ATG3: variants seen among roughly 807,000 people sequenced by gnomAD.
The protein encoded by ATG3 is ubiquitin-like-conjugating enzyme ATG3.
Under a neutral mutation model 50.7 loss-of-function variants are expected in ATG3, and 25 were observed. That is an observed-to-expected ratio of 0.49 (90% confidence interval 0.36 to 0.69). The LOEUF (loss-of-function observed/expected upper bound fraction) is 0.69, where lower values mean the gene tolerates loss of function less well. Among genes scored for constraint, ATG3 ranks in the 30% least tolerant of loss-of-function variants. ATG3 has a pLI of 0.00. For synonymous variants in ATG3, 119 were observed against 125.5 expected, an observed-to-expected ratio of 0.95 and a Z score of 0.34; for missense variants, 281 against 376.0, an observed-to-expected ratio of 0.75 and a Z score of 2.09.
chr3:112,561,431 C>T lies in ATG3; in HGVS notation c.72+26G>A, dbSNP rs368990423. ...GAAAAGTCGAGCATGTGCCTGACAGCTCCCGGCAACCCTGGCCTGGCTTAC... is the reference window on the plus strand; with the variant it reads ...GAAAAGTCGAGCATGTGCCTGACAGTTCCCGGCAACCCTGGCCTGGCTTAC... On this transcript the variant is annotated intron_variant, in intron 1 of 11. Transcript: ENST00000283290. 6.8e-6 allele frequency: 11 copies of T among 1,610,304 alleles called. 1 individual carries two copies. Among genetic ancestry groups the T allele is most frequent in the East Asian group, 2.2e-5 (1 of 44,890 alleles).
At chr3:112,543,003 A>G (rs1933271424) in intron 6 of ATG3, among the ~76,000 whole-genome samples, 1 of 152,076 alleles carries the variant, frequency 6.6e-6, no homozygotes, top group African/African-American at 2.4e-5. Context: ...ATGAATTCTC[A>G]GGCCAAAGAA....
At chr3:112,547,491 TGGATTTAAACTTA>T (rs1303319829) in intron 5 of ATG3, among the ~76,000 whole-genome samples, 1 of 152,242 alleles carries the variant, frequency 6.6e-6, no homozygotes, top group African/African-American at 2.4e-5. Context: ...TTTAGTATCA[TGGATTTAAACTTA>T]GAGCACATTT....
At chr3:112,558,246 T>G (rs1426412752) in intron 2 of ATG3, 130 bp downstream of exon 2, 1 of 649,998 alleles carries the variant, frequency 1.5e-6, no homozygotes, top group Non-Finnish European at 2.6e-6. Context: ...TTCCCATAAA[T>G]CACAGTCATA....
intron 1 of ATG3, among the ~76,000 whole-genome samples, chr3:112,559,842 T>C (rs1338115832): frequency 1.3e-5 from 2 of 152,234 alleles, no homozygotes; most frequent in African/African-American, 4.8e-5. Context: ...GTTTACTGCA[T>C]GTACATACTC....
At chr3:112,538,402 T>C (rs889351116) in intron 7 of ATG3, 3 of 478,224 alleles carry the variant, frequency 6.3e-6, no homozygotes, top group Non-Finnish European at 7.5e-6. Context: ...AATAATACTG[T>C]AGAGTCCTCA....
intron 2 of ATG3, among the ~76,000 whole-genome samples, chr3:112,555,968 CAATT>C (rs1189813627): frequency 3.9e-5 from 6 of 152,176 alleles, no homozygotes; most frequent in Non-Finnish European, 7.3e-5. Context: ...ATATATTCAA[CAATT>C]AGTCATCTTC....
intron 5 of ATG3, among the ~76,000 whole-genome samples, chr3:112,545,962 T>C (rs2107378361): frequency 1.3e-5 from 2 of 152,208 alleles, no homozygotes; most frequent in South Asian, 4.2e-4. Flanking sequence ...ATCATCCAAT[T>C]AGTTGAAGGC....
chr3:112,537,959 AT>A, intron 8 of ATG3, 69 bp from the exon 9 acceptor site: 2 of 1,421,298 alleles, frequency 1.4e-6, no homozygotes, highest in Non-Finnish European at 1.9e-6. Context: ...TAGAAAACTT[AT>A]TTTTTCCATT....
At chr3:112,556,050 TA>T (rs2107389834) in intron 2 of ATG3, among the ~76,000 whole-genome samples, 1 of 150,896 alleles carries the variant, frequency 6.6e-6, no homozygotes, top group Admixed American at 6.6e-5. Context: ...TGATTTCAGA[TA>T]AAGAGCCATG....
Position 112,542,525 on chromosome 3 carries a change from T to C in ATG3, c.394-641A>G, listed in dbSNP as rs543171976. Reference sequence around the variant, plus strand: ...GATAAACTGAATATTTAGTTTTACCTAGGTTACATTTTACTTAGGGGTGGT... The same window carrying C: ...GATAAACTGAATATTTAGTTTTACCCAGGTTACATTTTACTTAGGGGTGGT... On this transcript the variant is annotated intron_variant, in intron 6 of 11. Coordinates refer to ENST00000283290, the MANE Select transcript of ATG3 (RefSeq NM_022488.5). 1.8e-3 allele frequency among the ~76,000 whole-genome samples: 276 copies of C among 152,208 alleles called. 2 individuals are homozygous for C. The highest frequency in any genetic ancestry group is 6.4e-3 in the African/African-American group (267 of 41,574).
intron 7 of ATG3, 36 bp from the exon 8 acceptor site, chr3:112,538,216 C>A: frequency 6.7e-7 from 1 of 1,502,406 alleles, no homozygotes; most frequent in Non-Finnish European, 9.1e-7. Flanking sequence ...TAATCAAGTT[C>A]AAGTTCAAGA....
At chr3:112,541,505 A>T (rs969793188) in intron 7 of ATG3, among the ~76,000 whole-genome samples, 7 of 152,248 alleles carry the variant, frequency 4.6e-5, no homozygotes, top group African/African-American at 1.7e-4. Flanking sequence ...TTCTGCTCTG[A>T]AATAATTCAG....
In ATG3 at chr3:112,548,618, T is replaced by C; in HGVS notation, c.258A>G (p.Lys86=). The change falls in exon 5 of 12, where the codon AAA becomes AAG. Residue 86 remains lysine (K), a synonymous_variant. Transcript: ENST00000283290. ...CCAATTCATCTGAATATTCCATCTG[T>C]TTGCACCGCTTATAGCACGGCACTA... The part of the protein sequence containing the change: ...TKNVPCYKRC[K]QMEYSDELEA... The C allele has an allele frequency of 6.2e-7, 1 of 1,613,994 alleles. No individual in the cohort carries two copies. Among genetic ancestry groups the C allele is most frequent in the African/African-American group, 1.3e-5 (1 of 75,046 alleles).
At chr3:112,550,908 A>G (rs557134653) in intron 3 of ATG3, among the ~76,000 whole-genome samples, 46 of 152,358 alleles carry the variant, frequency 3.0e-4, no homozygotes, top group Admixed American at 2.9e-3. Flanking sequence ...GAACATATAA[A>G]TATCCCATTT....
chr3:112,538,315 GA>G lies in ATG3; in HGVS notation c.476-136del. On this transcript the variant is annotated intron_variant, in intron 7 of 11. Coordinates refer to ENST00000283290, the MANE Select transcript of ATG3 (RefSeq NM_022488.5). ...TGTTTTTAAGTGAAGATATTGAATA[GA>G]TAGATATAAGTGAGCTAATTCTATA... The G allele has an allele frequency of 7.6e-6, 5 of 660,014 alleles. No homozygotes were observed. In the South Asian group the frequency reaches 1.1e-4, roughly 14 times the overall value. 40.9% of individuals were successfully genotyped at this position (660,014 alleles called of 1,614,324 possible). A position where few individuals can be genotyped will look rare whatever the true frequency, so the allele number is the denominator to read the frequency against.
chr3:112,558,607 C>A lies in ATG3; in HGVS notation c.73-190G>T, dbSNP rs1486487589. ...CTACCTCATTGGTATCTATCTATAT[C>A]TATCTATCTGTTTCACTCACTGGTA... On this transcript the variant is annotated intron_variant, in intron 1 of 11. Transcript: ENST00000283290. Among the ~76,000 whole-genome samples, 3 of 152,162 alleles carry A rather than the reference C, an allele frequency of 2.0e-5. No individual in the cohort carries two copies. In the East Asian group the frequency reaches 5.8e-4, roughly 29 times the overall value.
chr3:112,541,859 G>A lies in ATG3; in HGVS notation c.419C>T (p.Ser140Leu). The A allele has an allele frequency of 6.2e-7, 1 of 1,612,062 alleles. No homozygotes were observed. ...ATCTTCTTCCTCTTCACATAGTGCTGAGCAATCTTGAAGCCTTATATTGTC... is the reference window on the plus strand; with the variant it reads ...ATCTTCTTCCTCTTCACATAGTGCTAAGCAATCTTGAAGCCTTATATTGTC... Reference protein sequence around the residue: ...NKDNIRLQDCSALCEEEEDED... With the variant: ...NKDNIRLQDCLALCEEEEDED... The change falls in exon 7 of 12, where the codon TCA becomes TTA. Residue 140 changes from serine to leucine, a missense_variant. Around this residue, in one of 3 missense-constraint regions of ATG3, gnomAD observed 242 missense variants for 305.0 expected, o/e 0.79. Transcript: ENST00000283290.
chr3:112,558,931 G>A (rs1445980170), intron 1 of ATG3, among the ~76,000 whole-genome samples: 2 of 152,006 alleles, frequency 1.3e-5, no homozygotes. Context: ...TAGAGACAGG[G>A]TTTCTCCATG....
chr3:112,543,980 T>C (rs1282263374), intron 6 of ATG3, 77 bp downstream of exon 6: 35 of 1,049,160 alleles, frequency 3.3e-5, no homozygotes, highest in Non-Finnish European at 4.7e-5. Flanking sequence ...ATGGTGATTA[T>C]ATATGTGTGT....
Sources: gnomAD v4.1 joint callset for allele counts (sites outside exome capture counted in the v4.1 genomes callset) on GRCh38, gnomAD v4.1.1 for gene constraint, gnomAD v4.1.1 regional missense constraint, MANE v1.5 for transcripts, NCBI Gene and HGNC (gene_info 2026-07-23, HGNC 2026-07-21) for gene names.